Variants in PCLO observed in about 807,000 individuals in gnomAD.
PCLO encodes the protein piccolo presynaptic cytomatrix protein.
Under a neutral mutation model 427.5 loss-of-function variants are expected in PCLO, and 82 were observed. The ratio of observed to expected loss-of-function variants is 0.19; its 90% CI spans 0.16 to 0.23. The LOEUF (loss-of-function observed/expected upper bound fraction) is 0.23. Ranked by LOEUF, PCLO falls within the 10% of genes least tolerant of loss-of-function variation. The probability of loss-of-function intolerance (pLI) is 1.00; values close to 1 mark genes in which losing one functional copy is unlikely to be tolerated. For missense variants in PCLO, 6,239 were observed against 6,115.9 expected, an observed-to-expected ratio of 1.02 and a Z score of -0.67; for synonymous variants, 2,357 against 2,155.4, an observed-to-expected ratio of 1.09 and a Z score of -2.59.
chr7:83,046,410 T>C (rs1428785546), intron 3 of PCLO, among the ~76,000 whole-genome samples: 3 of 152,094 alleles, frequency 2.0e-5, no homozygotes, highest in Non-Finnish European at 4.4e-5. Flanking sequence ...ATTGTATACC[T>C]ATGTTAAAGA....
chr7:83,086,907 T>C (rs969517804), intron 3 of PCLO, among the ~76,000 whole-genome samples: 8 of 152,068 alleles, frequency 5.3e-5, no homozygotes, highest in East Asian at 3.9e-4. Context: ...GATGAGTTCA[T>C]GTCCTTTGTA....
In PCLO at chr7:82,953,782, G is replaced by A. The variant is rs186877233; in HGVS notation, c.7171C>T (p.Arg2391Cys). The change falls in exon 5 of 25, where the codon CGC becomes TGC. Residue 2391 changes from arginine (R) to cysteine (C), a missense_variant. Physicochemically the swap from Arg to Cys is radical, Grantham distance 180. This residue lies in a region of PCLO where 4,677 missense variants were observed against 4,468.4 expected (regional missense o/e 1.05). Coordinates refer to ENST00000333891, the MANE Select transcript of PCLO (RefSeq NM_033026.6). ...AAAGAAGAACTTCTAAAGAATGGGCGAGGTTTAGCTGGAAGAGAGGAAACA... is the reference window on the plus strand; with the variant it reads ...AAAGAAGAACTTCTAAAGAATGGGCAAGGTTTAGCTGGAAGAGAGGAAACA... ...PSVSSLPAKP[R>C]PFFRSSSLDI... 3.3e-5 allele frequency: 52 copies of A among 1,585,228 alleles called. No homozygotes were observed. Among genetic ancestry groups the A allele is most frequent in the African/African-American group, 5.4e-5 (4 of 74,288 alleles).
chr7:82,764,708 C>A (rs1414151403), intron 22 of PCLO, among the ~76,000 whole-genome samples: 1 of 151,788 alleles, frequency 6.6e-6, no homozygotes, highest in Non-Finnish European at 1.5e-5. Flanking sequence ...AAGAAAGACA[C>A]TGTATGAAAC....
chr7:82,994,631 T>G (rs866712780), intron 3 of PCLO, among the ~76,000 whole-genome samples: 1 of 119,864 alleles, frequency 8.3e-6, no homozygotes. Flanking sequence ...ATATATATAT[T>G]TATGGGGTAT....
At chr7:83,050,208 G>GAAAAAAAAAAAA (rs556193471) in intron 3 of PCLO, among the ~76,000 whole-genome samples, 2 of 5,460 alleles carry the variant, frequency 3.7e-4, no homozygotes, top group African/African-American at 5.0e-4. Flanking sequence ...CTGAAAAACT[G>GAAAAAAAAAAAA]AAAAAAAAAA....
At chr7:82,969,582 C>T (rs1054449388) in intron 3 of PCLO, among the ~76,000 whole-genome samples, 1 of 152,090 alleles carries the variant, frequency 6.6e-6, no homozygotes, top group Admixed American at 6.5e-5. Context: ...TTCTTCTGAA[C>T]TTACACTCTG....
chr7:82,988,171 T>C (rs1796296513), intron 3 of PCLO, among the ~76,000 whole-genome samples: 1 of 152,094 alleles, frequency 6.6e-6, no homozygotes, highest in East Asian at 1.9e-4. Context: ...TGTACCATCA[T>C]GACCAGCTAA....
chr7:82,836,311 G>A (rs1792232258), intron 15 of PCLO, among the ~76,000 whole-genome samples: 1 of 151,896 alleles, frequency 6.6e-6, no homozygotes, highest in South Asian at 2.1e-4. Context: ...CAAATCCTTG[G>A]CAGTGATTTC....
chr7:82,940,755 C>CTTTTTTTTTTTTTTTTTTTT (rs71531190), intron 6 of PCLO, among the ~76,000 whole-genome samples: 11 of 109,122 alleles, frequency 1.0e-4, no homozygotes, highest in Non-Finnish European at 1.4e-4. Flanking sequence ...TTTTTTCTTT[C>CTTTTTTTTTTTTTTTTTTTT]TTTTTTTTTT....
chr7:82,776,518 G>C (rs1790753086), intron 22 of PCLO, among the ~76,000 whole-genome samples: 1 of 152,152 alleles, frequency 6.6e-6, no homozygotes. Context: ...ATCTGGGCTG[G>C]GGATGGTGAC....
At chr7:82,927,572 T>C (rs1170059251) in intron 6 of PCLO, among the ~76,000 whole-genome samples, 1 of 152,178 alleles carries the variant, frequency 6.6e-6, no homozygotes, top group African/African-American at 2.4e-5. Context: ...CTGATGATTA[T>C]ACGGCATCCA....
chr7:82,852,681 C>A (rs146788356), intron 10 of PCLO, among the ~76,000 whole-genome samples: 5 of 151,988 alleles, frequency 3.3e-5, no homozygotes, highest in African/African-American at 1.2e-4. Context: ...ATATTGTGAT[C>A]GTGAGTCAAT....
intron 3 of PCLO, among the ~76,000 whole-genome samples, chr7:83,014,103 A>T (rs1048856293): frequency 7.9e-5 from 12 of 152,162 alleles, no homozygotes; most frequent in Admixed American, 3.3e-4. Flanking sequence ...CTGTGAGGAA[A>T]GACATTCATA....
chr7:83,012,846 C>T (rs1388180343), intron 3 of PCLO, among the ~76,000 whole-genome samples: 1 of 151,852 alleles, frequency 6.6e-6, no homozygotes. Context: ...TAAAACAGAC[C>T]AGGTGTTTTA....
intron 22 of PCLO, among the ~76,000 whole-genome samples, chr7:82,767,883 A>G (rs933196548): frequency 1.3e-5 from 2 of 152,092 alleles, no homozygotes; most frequent in African/African-American, 2.4e-5. Context: ...TCTGAAAGAT[A>G]TATCAATGTA....
intron 3 of PCLO, among the ~76,000 whole-genome samples, chr7:83,031,573 T>C (rs1788665849): frequency 6.6e-6 from 1 of 152,186 alleles, no homozygotes; most frequent in Admixed American, 6.5e-5. Flanking sequence ...TAAGATTCAG[T>C]GTCTGAACAA....
At chr7:82,898,776 T>C (rs1194307050) in intron 9 of PCLO, among the ~76,000 whole-genome samples, 1 of 151,462 alleles carries the variant, frequency 6.6e-6, no homozygotes, top group Non-Finnish European at 1.5e-5. Context: ...GGAAAATTTA[T>C]ATATATGGAA....
intron 3 of PCLO, among the ~76,000 whole-genome samples, chr7:83,033,000 G>A (rs1788709481): frequency 6.6e-6 from 1 of 151,946 alleles, no homozygotes; most frequent in Non-Finnish European, 1.5e-5. Context: ...TGATAGTGAG[G>A]GAGTTCTGAT....
At chr7:82,850,251 C>T (rs957479549) in intron 10 of PCLO, among the ~76,000 whole-genome samples, 2 of 152,020 alleles carry the variant, frequency 1.3e-5, no homozygotes, top group African/African-American at 2.4e-5. Context: ...TCAAGTGATC[C>T]ACTGACCTCA....
Sources: gnomAD v4.1 joint callset for allele counts (sites outside exome capture counted in the v4.1 genomes callset) on GRCh38, gnomAD v4.1.1 for gene constraint, gnomAD v4.1.1 regional missense constraint, MANE v1.5 for transcripts, NCBI Gene and HGNC (gene_info 2026-07-23, HGNC 2026-07-21) for gene names.